FSTL5: variants seen among roughly 807,000 people sequenced by gnomAD.
FSTL5 encodes follistatin-related protein 5.
A neutral mutation model predicts 89.1 loss-of-function variants in FSTL5; 62 were observed. The ratio of observed to expected loss-of-function variants is 0.70; its 90% CI spans 0.57 to 0.86. FSTL5 has a LOEUF of 0.86. Among genes scored for constraint, FSTL5 ranks in the 40% least tolerant of loss-of-function variants. The pLI, the probability that FSTL5 is intolerant of heterozygous loss-of-function variation, is 0.00. For synonymous variants in FSTL5, 383 were observed against 346.2 expected (o/e 1.11, Z -1.18); for missense variants, 1,057 against 1,001.6 (o/e 1.06, Z -0.75).
intron 4 of FSTL5, among the ~76,000 whole-genome samples, chr4:161,911,826 A>T (rs1426137236): frequency 1.3e-5 from 2 of 152,178 alleles, no homozygotes; most frequent in African/African-American, 2.4e-5. Context: ...CTAATTATTC[A>T]TGCTTTTTTC....
intron 7 of FSTL5, among the ~76,000 whole-genome samples, chr4:161,619,684 AAAC>A: frequency 6.6e-6 from 1 of 152,128 alleles, no homozygotes; most frequent in East Asian, 1.9e-4. Context: ...AAAAGTCAGG[AAAC>A]AACAGGTGCT....
intron 2 of FSTL5, among the ~76,000 whole-genome samples, chr4:162,068,197 A>G (rs1729425509): frequency 6.6e-6 from 1 of 152,096 alleles, no homozygotes; most frequent in Non-Finnish European, 1.5e-5. Context: ...ATTAGAAAAA[A>G]CTATTTTAAA....
intron 4 of FSTL5, among the ~76,000 whole-genome samples, chr4:161,882,154 T>C (rs530343384): frequency 2.0e-4 from 30 of 152,244 alleles, no homozygotes; most frequent in African/African-American, 6.7e-4. Context: ...AAAGCCCTTC[T>C]TTTTTATTTC....
At chr4:161,404,964 C>T (rs1021088683) in intron 15 of FSTL5, among the ~76,000 whole-genome samples, 6 of 152,256 alleles carry the variant, frequency 3.9e-5, no homozygotes, top group African/African-American at 1.4e-4. Context: ...GGGGCGGTGG[C>T]TCATGCCTGT....
intron 7 of FSTL5, among the ~76,000 whole-genome samples, chr4:161,629,929 C>T (rs1469864188): frequency 1.3e-5 from 2 of 152,152 alleles, no homozygotes; most frequent in African/African-American, 2.4e-5. Flanking sequence ...GACTTCCAGT[C>T]GGAGGCTCAG....
At chr4:161,549,840 T>C (rs558297656) in intron 8 of FSTL5, among the ~76,000 whole-genome samples, 4 of 152,070 alleles carry the variant, frequency 2.6e-5, no homozygotes, top group Admixed American at 1.3e-4. Flanking sequence ...GTGATTCAAA[T>C]ATGTGCAAAG....
intron 4 of FSTL5, among the ~76,000 whole-genome samples, chr4:161,907,068 A>C (rs1733558026): frequency 6.6e-6 from 1 of 152,094 alleles, no homozygotes; most frequent in Non-Finnish European, 1.5e-5. Flanking sequence ...TAAAATCTTT[A>C]AAGGCCAAAA....
chr4:161,546,864 A>G (rs1256775324), intron 8 of FSTL5, among the ~76,000 whole-genome samples: 1 of 151,968 alleles, frequency 6.6e-6, no homozygotes, highest in African/African-American at 2.4e-5. Flanking sequence ...TCAATTGTTG[A>G]CACTCCTGTC....
intron 3 of FSTL5, among the ~76,000 whole-genome samples, chr4:161,976,263 C>T (rs1735643504): frequency 6.6e-6 from 1 of 152,058 alleles, no homozygotes; most frequent in Admixed American, 6.6e-5. Flanking sequence ...AGTGCTACTA[C>T]ATCTGACTTT....
intron 13 of FSTL5, among the ~76,000 whole-genome samples, chr4:161,471,161 G>A (rs7690342): frequency 2.6e-5 from 4 of 152,108 alleles, no homozygotes; most frequent in Non-Finnish European, 5.9e-5. Context: ...CCTGAACTTA[G>A]AGGAGAAGCT....
intron 7 of FSTL5, among the ~76,000 whole-genome samples, chr4:161,642,621 A>G (rs1382719434): frequency 1.3e-5 from 2 of 152,210 alleles, no homozygotes. Flanking sequence ...TTTCAGTACA[A>G]TAAGGAGATA....
intron 8 of FSTL5, among the ~76,000 whole-genome samples, chr4:161,574,964 A>G (rs768143293): frequency 6.6e-6 from 1 of 152,172 alleles, no homozygotes; most frequent in Non-Finnish European, 1.5e-5. Context: ...CACTCCTACC[A>G]ACGTGTAAAA....
At chr4:162,053,595 TA>T (rs2111262911) in intron 2 of FSTL5, among the ~76,000 whole-genome samples, 1 of 151,872 alleles carries the variant, frequency 6.6e-6, no homozygotes, top group Non-Finnish European at 1.5e-5. Context: ...ATATAGAATA[TA>T]AATTGATAAG....
chr4:161,853,175 G>A (rs966571137), intron 4 of FSTL5, among the ~76,000 whole-genome samples: 5 of 152,178 alleles, frequency 3.3e-5, no homozygotes, highest in African/African-American at 7.2e-5. Flanking sequence ...AATAGTATCA[G>A]TATAATATAA....
chr4:162,157,043 C>T (rs1276630158), intron 1 of FSTL5, among the ~76,000 whole-genome samples: 2 of 152,062 alleles, frequency 1.3e-5, no homozygotes, highest in Non-Finnish European at 2.9e-5. Flanking sequence ...AATTTTGTCT[C>T]ATTATTACAG....
rs759749552 is a variant in FSTL5 at position 161,455,109 on chromosome 4, C to T, written c.1736G>A (p.Gly579Glu). 4 of 1,607,340 alleles carry T rather than the reference C, an allele frequency of 2.5e-6. No homozygotes were observed. The highest frequency in any genetic ancestry group is 4.5e-5 in the East Asian group (2 of 44,410). ...GTGGATCGTGTGGTGAGGCACATTC[C>T]CACTGGCCAGGGTAATTACCTAAAG... Reference protein sequence around the residue: ...PTLQVITLASGNVPHHTIHTQ... With the variant: ...PTLQVITLASENVPHHTIHTQ... The change falls in exon 15 of 16, where the codon GGG (glycine) becomes GAG (glutamate). Residue 579 changes from glycine (G) to glutamate (E), a missense_variant. This residue lies in a region of FSTL5 where 980 missense variants were observed against 903.2 expected (regional missense o/e 1.08). Coordinates refer to ENST00000306100, the MANE Select transcript of FSTL5 (RefSeq NM_020116.5).
chr4:161,726,273 C>A lies in FSTL5; in HGVS notation c.727+33138G>T, dbSNP rs545380139. Reference sequence around the variant, plus strand: ...ACGGAATCTCACTCTCTTACCCAGGCTGGAGTGCAGTGGCAAGATCTCGGC... The same window carrying A: ...ACGGAATCTCACTCTCTTACCCAGGATGGAGTGCAGTGGCAAGATCTCGGC... On this transcript the variant is annotated intron_variant, in intron 6 of 15. Transcript: ENST00000306100. Among the ~76,000 whole-genome samples, 152 of 127,006 alleles carry A rather than the reference C, an allele frequency of 1.2e-3. 2 individuals carry two copies. The highest frequency in any genetic ancestry group is 4.4e-3 in the African/African-American group (146 of 33,336). The allele number at this position is 127,006 out of a possible 152,430, so 83.3% of individuals were successfully genotyped here. A position where few individuals can be genotyped will look rare whatever the true frequency, so the allele number is the denominator to read the frequency against.
intron 15 of FSTL5, among the ~76,000 whole-genome samples, chr4:161,391,596 C>A (rs1490056007): frequency 1.3e-5 from 2 of 152,094 alleles, no homozygotes; most frequent in African/African-American, 2.4e-5. Context: ...CCCACACCAA[C>A]CCTTGTAAGA....
At chr4:161,572,570 A>G (rs947451811) in intron 8 of FSTL5, among the ~76,000 whole-genome samples, 1 of 152,132 alleles carries the variant, frequency 6.6e-6, no homozygotes, top group Non-Finnish European at 1.5e-5. Flanking sequence ...TTTTCCCTCT[A>G]ATTTTTATAG....
Sources: gnomAD v4.1 joint callset for allele counts (sites outside exome capture counted in the v4.1 genomes callset) on GRCh38, gnomAD v4.1.1 for gene constraint, gnomAD v4.1.1 regional missense constraint, MANE v1.5 for transcripts, NCBI Gene and HGNC (gene_info 2026-07-23, HGNC 2026-07-21) for gene names.